PRTFDC1: variants seen among roughly 807,000 people sequenced by gnomAD.
PRTFDC1 encodes phosphoribosyl transferase domain containing 1.
PRTFDC1 carries 38 observed loss-of-function variants against 34.6 expected under a neutral mutation model. The observed-to-expected ratio is 1.10, with a 90% CI of 0.85 to 1.44. PRTFDC1 has a LOEUF of 1.44. Among genes scored for constraint, PRTFDC1 ranks in the 40% most tolerant of loss-of-function variants. The probability of loss-of-function intolerance (pLI) is 0.00; values close to 1 mark genes in which losing one functional copy is unlikely to be tolerated. For missense variants in PRTFDC1, 270 were observed against 283.0 expected, an observed-to-expected ratio of 0.95 and a Z score of 0.33; for synonymous variants, 93 against 98.1, an observed-to-expected ratio of 0.95 and a Z score of 0.31.
intron 3 of PRTFDC1, among the ~76,000 whole-genome samples, chr10:24,883,439 G>A (rs540921602): frequency 6.6e-6 from 1 of 152,004 alleles, no homozygotes; most frequent in Non-Finnish European, 1.5e-5. Flanking sequence ...ATGGGAAGAA[G>A]CTACAGGCTA....
chr10:24,850,787 C>T lies in PRTFDC1; in HGVS notation c.630+601G>A, dbSNP rs552703925. On this transcript the variant is annotated intron_variant, in intron 8 of 8. Coordinates refer to ENST00000320152, the MANE Select transcript of PRTFDC1 (RefSeq NM_020200.7). ...TGGTGCTATGGATACTCTCTGGGGG[C>T]ACTGCTATCCTAGTGGTTGAAGTCT... 6.6e-5 allele frequency among the ~76,000 whole-genome samples: 10 copies of T among 152,268 alleles called. No homozygotes were observed. The South Asian group carries it at 1.9e-3, about 28-fold the overall frequency.
At chr10:24,878,234 C>G (rs1426330886) in intron 3 of PRTFDC1, among the ~76,000 whole-genome samples, 1 of 151,722 alleles carries the variant, frequency 6.6e-6, no homozygotes, top group African/African-American at 2.4e-5. Flanking sequence ...GATTGCACCA[C>G]TGCACTCCAG....
chr10:24,925,818 A>G (rs2132590554), intron 3 of PRTFDC1, among the ~76,000 whole-genome samples: 1 of 152,284 alleles, frequency 6.6e-6, no homozygotes, highest in Non-Finnish European at 1.5e-5. Context: ...TCAAATCGCT[A>G]GGAAGAAATC....
chr10:24,934,430 C>T (rs911697024), intron 3 of PRTFDC1, among the ~76,000 whole-genome samples: 1 of 152,202 alleles, frequency 6.6e-6, no homozygotes, highest in Non-Finnish European at 1.5e-5. Flanking sequence ...AGAAGCCAGA[C>T]ATGCCTCGTG....
chr10:24,907,213 A>AT (rs1353971366), intron 3 of PRTFDC1, among the ~76,000 whole-genome samples: 1 of 71,314 alleles, frequency 1.4e-5, no homozygotes, highest in Non-Finnish European at 4.4e-5. Context: ...CCCTGTCTCT[A>AT]AAAAAAAAAT....
chr10:24,917,080 T>C (rs1254900181), intron 3 of PRTFDC1, among the ~76,000 whole-genome samples: 1 of 152,220 alleles, frequency 6.6e-6, no homozygotes, highest in Non-Finnish European at 1.5e-5. Flanking sequence ...GCTTGTCTTT[T>C]CAATGACCCA....
At chr10:24,862,205 G>T (rs1325460757) in intron 4 of PRTFDC1, among the ~76,000 whole-genome samples, 1 of 152,076 alleles carries the variant, frequency 6.6e-6, no homozygotes, top group African/African-American at 2.4e-5. Flanking sequence ...CAACAAAAAT[G>T]ATGATAATTT....
At chr10:24,932,902 G>A (rs932949740) in intron 3 of PRTFDC1, among the ~76,000 whole-genome samples, 2 of 152,070 alleles carry the variant, frequency 1.3e-5, no homozygotes, top group Non-Finnish European at 2.9e-5. Flanking sequence ...AGTAATCAAA[G>A]CAGTGACAAT....
chr10:24,913,070 A>G (rs1311492459), intron 3 of PRTFDC1, among the ~76,000 whole-genome samples: 1 of 152,224 alleles, frequency 6.6e-6, no homozygotes, highest in Non-Finnish European at 1.5e-5. Context: ...ACCAAATAAA[A>G]TACAATGGAT....
At chr10:24,895,253 C>CTTTTT (rs60331186) in intron 3 of PRTFDC1, among the ~76,000 whole-genome samples, 2,629 of 105,076 alleles carry the variant, frequency 0.025, 211 homozygotes, top group African/African-American at 0.062. Context: ...TCTCCACTTT[C>CTTTTT]TTTTTTTTTT....
intron 4 of PRTFDC1, among the ~76,000 whole-genome samples, chr10:24,859,087 G>A (rs1049566268): frequency 6.6e-6 from 1 of 152,144 alleles, no homozygotes; most frequent in African/African-American, 2.4e-5. Flanking sequence ...TGCTCGAGGC[G>A]GGGCCTGGTG....
At chr10:24,922,855 G>C (rs1373683321) in intron 3 of PRTFDC1, among the ~76,000 whole-genome samples, 1 of 152,230 alleles carries the variant, frequency 6.6e-6, no homozygotes, top group Admixed American at 6.5e-5. Flanking sequence ...GCCTCACCTG[G>C]AAGCACAAGG....
chr10:24,884,817 A>G (rs1848137710), intron 3 of PRTFDC1, among the ~76,000 whole-genome samples: 1 of 152,154 alleles, frequency 6.6e-6, no homozygotes, highest in Non-Finnish European at 1.5e-5. Context: ...TCTCAGCAGG[A>G]CGGCCTCCCC....
intron 4 of PRTFDC1, among the ~76,000 whole-genome samples, chr10:24,859,822 C>T (rs554312190): frequency 9.2e-5 from 14 of 152,138 alleles, no homozygotes; most frequent in Non-Finnish European, 2.1e-4. Context: ...TACCGCATTG[C>T]CAGAAACTAG....
At chr10:24,874,992 T>C (rs745664339) in intron 3 of PRTFDC1, among the ~76,000 whole-genome samples, 16 of 152,208 alleles carry the variant, frequency 1.1e-4, no homozygotes, top group Non-Finnish European at 2.4e-4. Flanking sequence ...CCTGCCATCA[T>C]GTGAAGAAGG....
chr10:24,936,502 T>A (rs1379737831), intron 3 of PRTFDC1, among the ~76,000 whole-genome samples: 1 of 152,156 alleles, frequency 6.6e-6, no homozygotes, highest in Non-Finnish European at 1.5e-5. Context: ...CCCAGGCTGG[T>A]CTCGAACTCC....
chr10:24,897,326 C>G (rs1397049584), intron 3 of PRTFDC1, among the ~76,000 whole-genome samples: 2 of 152,176 alleles, frequency 1.3e-5, no homozygotes, highest in Admixed American at 6.5e-5. Flanking sequence ...CTAAGTCTAT[C>G]CCTATCCCTA....
intron 2 of PRTFDC1, among the ~76,000 whole-genome samples, chr10:24,940,224 C>G (rs931915740): frequency 2.6e-5 from 4 of 152,172 alleles, no homozygotes; most frequent in African/African-American, 9.7e-5. Context: ...ATATACAATA[C>G]TTCACCCCAC....
In PRTFDC1 at chr10:24,858,423, A is replaced by C. The variant is rs1163632784; in HGVS notation, c.406-14T>G. The C allele has an allele frequency of 2.1e-5, 34 of 1,613,076 alleles. No homozygotes were observed. The highest frequency in any genetic ancestry group is 2.9e-5 in the Non-Finnish European group (34 of 1,179,300). ...AATGAGAACATTCTGAAATAAACAA[A>C]ACCCATATTTTAGAATGTGATGCCA... is the stretch of plus-strand genomic sequence containing the variant. On this transcript the variant is annotated splice_polypyrimidine_tract_variant and intron_variant, in intron 4 of 8. Coordinates refer to ENST00000320152, the MANE Select transcript of PRTFDC1 (RefSeq NM_020200.7).
Sources: allele counts gnomAD v4.1 joint callset (sites outside exome capture counted in the v4.1 genomes callset), GRCh38; gene constraint gnomAD v4.1.1; transcripts MANE v1.5; gene names NCBI Gene and HGNC (gene_info 2026-07-23, HGNC 2026-07-21).